Variants in TRHDE observed in about 807,000 individuals in gnomAD.
TRHDE encodes thyrotropin-releasing hormone-degrading ectoenzyme.
Under a neutral mutation model 125.7 loss-of-function variants are expected in TRHDE, and 72 were observed. That is an observed-to-expected ratio of 0.57 (90% confidence interval 0.47 to 0.70). TRHDE has a LOEUF of 0.70. Ranked by LOEUF, TRHDE falls within the 30% of genes least tolerant of loss-of-function variation. TRHDE has a pLI of 0.00. For missense variants in TRHDE, 1,110 were observed against 1,327.1 expected (o/e 0.84, Z 2.54); for synonymous variants, 509 against 509.1 (o/e 1.00, Z 0.00).
At chr12:72,378,630 CAT>C (rs1283548878) in intron 3 of TRHDE, among the ~76,000 whole-genome samples, 7 of 152,188 alleles carry the variant, frequency 4.6e-5, no homozygotes, top group East Asian at 1.9e-4. Context: ...CAAATTTTCA[CAT>C]GTCAGACCTC....
intron 3 of TRHDE, among the ~76,000 whole-genome samples, chr12:72,385,807 T>G (rs1328357015): frequency 6.6e-6 from 1 of 152,164 alleles, no homozygotes; most frequent in Non-Finnish European, 1.5e-5. Flanking sequence ...TTAATGTTTA[T>G]GATGTTCAAC....
intron 2 of TRHDE, among the ~76,000 whole-genome samples, chr12:72,362,335 G>C (rs1178634027): frequency 6.7e-6 from 1 of 149,920 alleles, no homozygotes; most frequent in Non-Finnish European, 1.5e-5. Context: ...ATTTTTTCAT[G>C]TGTTTTTTGG....
At chr12:72,508,879 A>G (rs899246825) in intron 6 of TRHDE, among the ~76,000 whole-genome samples, 2 of 151,978 alleles carry the variant, frequency 1.3e-5, no homozygotes, top group East Asian at 3.9e-4. Context: ...AAATGTGTGT[A>G]GCACCTCCCC....
chr12:72,269,661 G>T (rs1879150062), upstream of TRHDE, among the ~76,000 whole-genome samples: 1 of 152,126 alleles, frequency 6.6e-6, no homozygotes, highest in South Asian at 2.1e-4. Context: ...CACACAGCAA[G>T]ACAGAAGGAA....
rs541832401 is a variant in TRHDE, at chr12:72,537,885, T to C, written c.1723-4406T>C. ...GGAGATTACAATCTATTTTGTGCAA[T>C]GTACTTTCTTAACCTCTGTGCTTTA... On this transcript the variant is annotated intron_variant, in intron 6 of 18. Transcript: ENST00000261180. Among the ~76,000 whole-genome samples, 29 of 152,218 alleles carry C rather than the reference T, an allele frequency of 1.9e-4. 1 individual carries two copies. The South Asian group carries it at 6.0e-3, about 32-fold the overall frequency.
intron 10 of TRHDE, among the ~76,000 whole-genome samples, chr12:72,571,344 G>T (rs1870723834): frequency 6.6e-6 from 1 of 152,070 alleles, no homozygotes; most frequent in Admixed American, 6.6e-5. Flanking sequence ...TCAGGTCAAT[G>T]TTTTTGTAGT....
At position 72,665,183 on chromosome 12, in the gene TRHDE, T is replaced by C. The variant is rs530981741; in HGVS notation, c.*1988T>C. 1 of 152,204 alleles carries C rather than the reference T, an allele frequency of 6.6e-6. No individual in the cohort carries two copies. Among genetic ancestry groups the C allele is most frequent in the African/African-American group, 2.4e-5 (1 of 41,566 alleles). 9.4% of individuals were successfully genotyped at this position (152,204 alleles called of 1,614,324 possible). ...TTCATGTAATAGATAAGAAAAAAATTAGAGGTGGATGTCTTGTTTTGTGTC... is the reference window on the plus strand; with the variant it reads ...TTCATGTAATAGATAAGAAAAAAATCAGAGGTGGATGTCTTGTTTTGTGTC... On this transcript the variant is annotated 3_prime_UTR_variant, in exon 19 of 19. Transcript: ENST00000261180.
chr12:72,655,287 G>A, intron 17 of TRHDE, among the ~76,000 whole-genome samples: 1 of 152,078 alleles, frequency 6.6e-6, no homozygotes, highest in Non-Finnish European at 1.5e-5. Context: ...TGACCAGGCT[G>A]GTCTTGAACT....
intron 5 of TRHDE, among the ~76,000 whole-genome samples, chr12:72,481,467 A>G (rs1877168888): frequency 6.6e-6 from 1 of 151,548 alleles, no homozygotes; most frequent in African/African-American, 2.4e-5. Context: ...TGTAGCATTT[A>G]CTTTGTACCT....
chr12:72,639,000 G>T (rs942781919), intron 15 of TRHDE, among the ~76,000 whole-genome samples: 8 of 150,692 alleles, frequency 5.3e-5, no homozygotes, highest in Admixed American at 2.6e-4. Context: ...TGCTCTTCTC[G>T]AGGAGTATCT....
At chr12:72,578,982 G>GTGTTT (rs923833423) in intron 12 of TRHDE, among the ~76,000 whole-genome samples, 3 of 105,184 alleles carry the variant, frequency 2.9e-5, no homozygotes, top group African/African-American at 1.6e-4. Context: ...TTACTGTTTA[G>GTGTTT]TGTTTTTTTT....
intron 2 of TRHDE, among the ~76,000 whole-genome samples, chr12:72,178,080 T>C (rs572962597): frequency 2.6e-5 from 4 of 152,294 alleles, no homozygotes; most frequent in Admixed American, 2.0e-4. Context: ...GCACCATTAA[T>C]TGAAATGTTT....
At chr12:72,632,326 A>G (rs1327018549) in intron 15 of TRHDE, among the ~76,000 whole-genome samples, 1 of 151,970 alleles carries the variant, frequency 6.6e-6, no homozygotes, top group Non-Finnish European at 1.5e-5. Flanking sequence ...CAGTGCCCTG[A>G]CCAGAGCTGA....
intron 12 of TRHDE, among the ~76,000 whole-genome samples, chr12:72,607,508 T>C (rs1399576568): frequency 8.1e-6 from 1 of 122,886 alleles, no homozygotes; most frequent in Non-Finnish European, 1.6e-5. Flanking sequence ...CAACCAGTGA[T>C]ACAGTTTTTT....
chr12:72,537,769 T>C (rs2135982784), intron 6 of TRHDE, among the ~76,000 whole-genome samples: 1 of 152,184 alleles, frequency 6.6e-6, no homozygotes, highest in East Asian at 1.9e-4. Context: ...GGTCCATCAC[T>C]TGTTCAATAT....
At chr12:72,427,177 G>T (rs997960703) in intron 3 of TRHDE, among the ~76,000 whole-genome samples, 1 of 151,994 alleles carries the variant, frequency 6.6e-6, no homozygotes, top group Admixed American at 6.6e-5. Context: ...GGCCAAATTT[G>T]GCCCTTCAGG....
At chr12:72,585,578 A>G (rs1267728682) in intron 12 of TRHDE, among the ~76,000 whole-genome samples, 2 of 152,244 alleles carry the variant, frequency 1.3e-5, no homozygotes, top group Non-Finnish European at 2.9e-5. Flanking sequence ...TCTAAGAGGA[A>G]GTAGAATATG....
At chr12:72,627,537 C>T (rs959230425) in intron 15 of TRHDE, among the ~76,000 whole-genome samples, 1 of 151,778 alleles carries the variant, frequency 6.6e-6, no homozygotes, top group South Asian at 2.1e-4. Context: ...ATTGACACCT[C>T]ATTTTCAATT....
At chr12:72,284,466 G>A (rs1194657317) in intron 1 of TRHDE, among the ~76,000 whole-genome samples, 1 of 152,116 alleles carries the variant, frequency 6.6e-6, no homozygotes, top group African/African-American at 2.4e-5. Context: ...AGCATATGAA[G>A]ACAAAATTGT....
Sources: gnomAD v4.1 joint callset for allele counts (sites outside exome capture counted in the v4.1 genomes callset) on GRCh38, gnomAD v4.1.1 for gene constraint, MANE v1.5 for transcripts, NCBI Gene and HGNC (gene_info 2026-07-23, HGNC 2026-07-21) for gene names.